ZNF501: variants seen among roughly 807,000 people sequenced by gnomAD.
ZNF501 encodes the protein zinc finger protein 52.
A neutral mutation model predicts 5.7 loss-of-function variants in ZNF501; 7 were observed. The observed-to-expected ratio is 1.24, with a 90% confidence interval of 0.70 to 2.32. The LOEUF is 2.32. ZNF501 is among the 30% of genes most tolerant of loss of function. ZNF501 has a pLI of 0.00. For missense variants in ZNF501, 352 were observed against 321.1 expected (o/e 1.10, Z -0.73); for synonymous variants, 107 against 101.9 (o/e 1.05, Z -0.30).
In ZNF501 at chr3:44,735,714, AT is replaced by A. The variant is rs1704688732; in HGVS notation, c.*478del. On this transcript the variant is annotated 3_prime_UTR_variant, in exon 3 of 3. Coordinates refer to ENST00000620116, the MANE Select transcript of ZNF501 (RefSeq NM_001258280.2). ...GTCTTGGTTTAAATAGGATAATACA[AT>A]CTAAGACTGGTTTGTCCTTGAGAAA... 6.0e-6 allele frequency: 1 copy of A among 167,438 alleles called. No homozygotes were observed. Among genetic ancestry groups the A allele is most frequent in the Non-Finnish European group, 1.5e-5 (1 of 68,628 alleles). The allele number at this position is 167,438 out of a possible 1,614,324, so 10.4% of individuals were successfully genotyped here.
rs1704674481 is a variant in ZNF501, at chr3:44,735,076, A to AAAT, written c.656_657insATA (p.Lys219_Cys220insTer). 1 of 1,614,154 alleles carries AAAT rather than the reference A, an allele frequency of 6.2e-7. No individual in the cohort carries two copies. The highest frequency in any genetic ancestry group is 1.7e-5 in the Admixed American group (1 of 60,024). ...GACTCACACTGGAGAGAAACTTTAT[A>AAAT]AGTGTAGTGAGTGTGAAAAAACTTT... is the stretch of plus-strand genomic sequence containing the variant. On this transcript the variant is annotated stop_gained and inframe_insertion, in exon 3 of 3. Transcript: ENST00000620116. LOFTEE classifies it high-confidence loss of function.
chr3:44,732,854 T>G (rs1430350669), intron 2 of ZNF501, among the ~76,000 whole-genome samples: 1 of 152,210 alleles, frequency 6.6e-6, no homozygotes, highest in Non-Finnish European at 1.5e-5. Flanking sequence ...GAAGGGGTCT[T>G]GCTCTGTATA....
rs1175298306 is a variant in ZNF501, at chr3:44,734,662, A to G, written c.241A>G (p.Asn81Asp). The G allele has an allele frequency of 1.2e-6, 2 of 1,614,178 alleles. No homozygotes were observed. The highest frequency in any genetic ancestry group is 1.7e-5 in the Admixed American group (1 of 60,026). ...IHTGEKPYKC[N>D]ECEKAFQTKA... ...TACCGGAGAGAAACCTTATAAATGT[A>G]ATGAATGTGAGAAAGCCTTTCAAAC... The change falls in exon 3 of 3, where the codon AAT (asparagine) becomes GAT (aspartate). Residue 81 changes from asparagine (N) to aspartate (D), a missense_variant. Coordinates refer to ENST00000620116, the MANE Select transcript of ZNF501 (RefSeq NM_001258280.2).
At position 44,734,601 on chromosome 3, in the gene ZNF501, T is replaced by G. The variant is rs748771024; in HGVS notation, c.180T>G (p.Arg60=). ...YVCSECGSCF[R]KQSNLTQHLR... ...GCAGTGAATGTGGAAGTTGTTTCCG[T>G]AAACAGTCAAATCTTACTCAACATC... The change falls in exon 3 of 3, where the codon CGT becomes CGG. Residue 60 remains arginine, a synonymous_variant. Transcript: ENST00000620116. 1 of 1,614,128 alleles carries G rather than the reference T, an allele frequency of 6.2e-7. No individual in the cohort carries two copies. Among genetic ancestry groups the G allele is most frequent in the Non-Finnish European group, 8.5e-7 (1 of 1,180,016 alleles).
chr3:44,735,140 A>C lies in ZNF501; in HGVS notation c.719A>C (p.His240Pro), dbSNP rs771673352. The change falls in exon 3 of 3, where the codon CAT becomes CCT. Residue 240 changes from histidine (H) to proline (P), a missense_variant. His to Pro is a moderately conservative substitution (Grantham distance 77). Coordinates refer to ENST00000620116, the MANE Select transcript of ZNF501 (RefSeq NM_001258280.2). ...CACCTTAGTGAGCATTACAGAATTCATACTGGAGAAAAACCTTATGAGTGT... is the reference window on the plus strand; with the variant it reads ...CACCTTAGTGAGCATTACAGAATTCCTACTGGAGAAAAACCTTATGAGTGT... ...QAHLSEHYRI[H>P]TGEKPYECVG... 1 of 1,614,148 alleles carries C rather than the reference A, an allele frequency of 6.2e-7. No homozygotes were observed. The highest frequency in any genetic ancestry group is 1.1e-5 in the South Asian group (1 of 91,080).
rs1704657029 is a variant in ZNF501 at position 44,734,257 on chromosome 3, G to T, written c.-165G>T. On this transcript the variant is annotated 5_prime_UTR_variant, in exon 3 of 3. Transcript: ENST00000620116. ...TTGAGAATGCAGGCTGAACAAGGAA[G>T]AGGAAGGGGAATCCTGCAGGGATGA... 1 of 608,654 alleles carries T rather than the reference G, an allele frequency of 1.6e-6. No individual in the cohort carries two copies. The allele number at this position is 608,654 out of a possible 1,614,324, so 37.7% of individuals were successfully genotyped here. A position where few individuals can be genotyped will look rare whatever the true frequency, so the allele number is the denominator to read the frequency against.
intron 1 of ZNF501, among the ~76,000 whole-genome samples, chr3:44,730,996 G>A (rs1163962832): frequency 3.3e-5 from 5 of 152,212 alleles, no homozygotes; most frequent in Non-Finnish European, 7.3e-5. Context: ...ATATTATCTA[G>A]CTTTTCAATT....
chr3:44,729,688 G>A lies in ZNF501; in HGVS notation c.-638G>A, dbSNP rs1475122166. Reference sequence around the variant, plus strand: ...ACCTGAGTGTTGCAAGGTGCGAGAGGGGAGCGCCGCGGGGAGCGCCGCGGG... The same window carrying A: ...ACCTGAGTGTTGCAAGGTGCGAGAGAGGAGCGCCGCGGGGAGCGCCGCGGG... On this transcript the variant is annotated 5_prime_UTR_variant, in exon 1 of 3. Transcript: ENST00000620116. 1 of 147,824 alleles carries A rather than the reference G, an allele frequency of 6.8e-6. No homozygotes were observed. Among genetic ancestry groups the A allele is most frequent in the Admixed American group, 6.7e-5 (1 of 14,940 alleles). The allele number at this position is 147,824 out of a possible 1,614,324, so 9.2% of individuals were successfully genotyped here.
chr3:44,730,423 A>G (rs1263599431), intron 1 of ZNF501, among the ~76,000 whole-genome samples: 1 of 152,220 alleles, frequency 6.6e-6, no homozygotes, highest in Non-Finnish European at 1.5e-5. Flanking sequence ...AAAAGTCAAA[A>G]TTTTCCCACA....
rs942178269 is a variant in ZNF501 at position 44,737,080 on chromosome 3, C to G, written c.*1843C>G. ...CAGTAAATAAAGATCTTTCCCCCACCCTTGCCCAGTGTGTCATTGTCTTAA... is the reference window on the plus strand; with the variant it reads ...CAGTAAATAAAGATCTTTCCCCCACGCTTGCCCAGTGTGTCATTGTCTTAA... On this transcript the variant is annotated 3_prime_UTR_variant, in exon 3 of 3. Transcript: ENST00000620116. The G allele has an allele frequency of 4.8e-5, 8 of 167,004 alleles. No homozygotes were observed. The highest frequency in any genetic ancestry group is 1.7e-4 in the African/African-American group (7 of 41,428). 10.3% of individuals were successfully genotyped at this position (167,004 alleles called of 1,614,324 possible). A position where few individuals can be genotyped will look rare whatever the true frequency, so the allele number is the denominator to read the frequency against.
chr3:44,734,903 C>T lies in ZNF501; in HGVS notation c.482C>T (p.Pro161Leu). ...RHQRSHSGDKPFKCNECGKAF... is the reference protein window; with the variant it reads ...RHQRSHSGDKLFKCNECGKAF... ...CAGAGAAGTCATTCTGGAGATAAAC[C>T]TTTTAAGTGTAATGAATGTGGGAAA... The change falls in exon 3 of 3, where the codon CCT (proline) becomes CTT (leucine). Residue 161 changes from proline (P) to leucine (L), a missense_variant. Physicochemically the swap from Pro to Leu is moderately conservative, Grantham distance 98 (BLOSUM62 -3). Transcript: ENST00000620116. 1.2e-6 allele frequency: 2 copies of T among 1,613,862 alleles called. No individual in the cohort carries two copies. The highest frequency in any genetic ancestry group is 2.2e-5 in the East Asian group (1 of 44,864).
Position 44,735,336 on chromosome 3 carries a change from A to G in ZNF501, c.*99A>G. The G allele has an allele frequency of 2.8e-6, 3 of 1,083,804 alleles. No homozygotes were observed. Among genetic ancestry groups the G allele is most frequent in the Non-Finnish European group, 3.9e-6 (3 of 761,524 alleles). 67.1% of individuals were successfully genotyped at this position (1,083,804 alleles called of 1,614,324 possible). ...AAGACTCAATCTGTAGCTAGTATGA[A>G]TATTTTGTATTTTGAACAAGAAATG... is the stretch of plus-strand genomic sequence containing the variant. On this transcript the variant is annotated 3_prime_UTR_variant, in exon 3 of 3. Coordinates refer to ENST00000620116, the MANE Select transcript of ZNF501 (RefSeq NM_001258280.2).
chr3:44,733,927 TG>T (rs1704653647), intron 2 of ZNF501, among the ~76,000 whole-genome samples: 2 of 152,234 alleles, frequency 1.3e-5, no homozygotes. Flanking sequence ...TAGCCTGCCA[TG>T]ATTATAGGTA....
intron 2 of ZNF501, among the ~76,000 whole-genome samples, 195 bp from the exon 3 acceptor site, chr3:44,734,002 G>A (rs1428947444): frequency 6.6e-6 from 1 of 152,192 alleles, no homozygotes. Flanking sequence ...TGGACAGTAA[G>A]TTTCCGTAAC....
chr3:44,730,144 C>T (rs1001919392), intron 1 of ZNF501, 129 bp downstream of exon 1: 1 of 152,170 alleles, frequency 6.6e-6, no homozygotes, highest in Non-Finnish European at 1.5e-5. Flanking sequence ...TGAATGCTTA[C>T]CAGCTGGCAT....
rs578034408 is a variant in ZNF501 at position 44,734,934 on chromosome 3, T to A, written c.513T>A (p.Phe171Leu). 1.2e-6 allele frequency: 2 copies of A among 1,614,090 alleles called. No individual in the cohort carries two copies. The highest frequency in any genetic ancestry group is 8.5e-7 in the Non-Finnish European group (1 of 1,180,014). The change falls in exon 3 of 3, where the codon TTT (phenylalanine) becomes TTA (leucine). Residue 171 changes from phenylalanine (F) to leucine (L), a missense_variant. Phe to Leu is a conservative substitution (Grantham distance 22). Transcript: ENST00000620116. ...AGTGTAATGAATGTGGGAAAGCCTT[T>A]AATCAGAGTGCATGTCTCATGCAGC... ...PFKCNECGKA[F>L]NQSACLMQHQ... is the part of the protein sequence containing the mutation.
In ZNF501 at chr3:44,736,327, A is replaced by G. The variant is rs1030348692; in HGVS notation, c.*1090A>G. The G allele has an allele frequency of 1.8e-5, 3 of 167,088 alleles. No homozygotes were observed. Among genetic ancestry groups the G allele is most frequent in the Non-Finnish European group, 4.4e-5 (3 of 68,124 alleles). 10.4% of individuals were successfully genotyped at this position (167,088 alleles called of 1,614,324 possible). On this transcript the variant is annotated 3_prime_UTR_variant, in exon 3 of 3. Coordinates refer to ENST00000620116, the MANE Select transcript of ZNF501 (RefSeq NM_001258280.2). ...CCTTTTAATGTAAACAAGCACCTCT[A>G]ACGCTAAAAGCACCCTTGCAAGAAA... is the stretch of plus-strand genomic sequence containing the variant.
In ZNF501 at chr3:44,734,610, A is replaced by C. The variant is rs374176263; in HGVS notation, c.189A>C (p.Ser63=). The C allele has an allele frequency of 3.0e-5, 48 of 1,614,046 alleles. 2 individuals are homozygous for C. The highest frequency in any genetic ancestry group is 2.2e-4 in the South Asian group (20 of 91,086). Residue 63 remains serine, a synonymous_variant, in exon 3 of 3, where the codon TCA becomes TCC. Transcript: ENST00000620116. ...SECGSCFRKQ[S]NLTQHLRIHT... is the part of the protein sequence containing the mutation. Reference sequence around the variant, plus strand: ...GTGGAAGTTGTTTCCGTAAACAGTCAAATCTTACTCAACATCTGAGAATTC... The same window carrying C: ...GTGGAAGTTGTTTCCGTAAACAGTCCAATCTTACTCAACATCTGAGAATTC...
chr3:44,736,910 C>T lies in ZNF501; in HGVS notation c.*1673C>T, dbSNP rs1246935278. Reference sequence around the variant, plus strand: ...AGATAGGTCTTTTGCAAATATTTTCCTCCCAGGCTGTGGCTTATTTTCTCA... The same window carrying T: ...AGATAGGTCTTTTGCAAATATTTTCTTCCCAGGCTGTGGCTTATTTTCTCA... On this transcript the variant is annotated 3_prime_UTR_variant, in exon 3 of 3. Coordinates refer to ENST00000620116, the MANE Select transcript of ZNF501 (RefSeq NM_001258280.2). 1.8e-5 allele frequency: 3 copies of T among 166,718 alleles called. No individual in the cohort carries two copies. Among genetic ancestry groups the T allele is most frequent in the Non-Finnish European group, 2.9e-5 (2 of 68,076 alleles). The allele number at this position is 166,718 out of a possible 1,614,324, so 10.3% of individuals were successfully genotyped here.
Sources: gnomAD v4.1 joint callset for allele counts (sites outside exome capture counted in the v4.1 genomes callset) on GRCh38, gnomAD v4.1.1 for gene constraint, MANE v1.5 for transcripts, NCBI Gene and HGNC (gene_info 2026-07-23, HGNC 2026-07-21) for gene names.